The following SUMF1 variants were observed in gnomAD, a reference collection of about 807,000 sequenced individuals.
The protein encoded by SUMF1 is sulfatase modifying factor 1, also known as formylglycine-generating enzyme.
Under a neutral mutation model 47.6 loss-of-function variants are expected in SUMF1, and 48 were observed. That is an observed-to-expected ratio of 1.01 (90% CI 0.80 to 1.28). SUMF1 has a LOEUF of 1.28. SUMF1 is among the 50% of genes most tolerant of loss of function. The pLI, the probability that SUMF1 is intolerant of heterozygous loss-of-function variation, is 0.00. For missense variants in SUMF1, 571 were observed against 485.4 expected (o/e 1.18, Z -1.66); for synonymous variants, 230 against 192.1 (o/e 1.20, Z -1.63).
At chr3:4,445,641 G>A (rs973564338) in intron 3 of SUMF1, among the ~76,000 whole-genome samples, 1 of 152,050 alleles carries the variant, frequency 6.6e-6, no homozygotes, top group Non-Finnish European at 1.5e-5. Flanking sequence ...CACCATGCCT[G>A]GCCATAAAAT....
intron 8 of SUMF1, among the ~76,000 whole-genome samples, chr3:4,194,872 C>A (rs901665934): frequency 6.6e-6 from 1 of 152,042 alleles, no homozygotes; most frequent in African/African-American, 2.4e-5. Flanking sequence ...GATAAGCTAG[C>A]GGTAAAATAT....
chr3:4,205,539 C>A (rs1695632627), intron 8 of SUMF1, among the ~76,000 whole-genome samples: 1 of 152,152 alleles, frequency 6.6e-6, no homozygotes, highest in South Asian at 2.1e-4. Context: ...ACACTCTGGG[C>A]TTGTTTGTAC....
chr3:4,303,026 G>A (rs569681633), intron 8 of SUMF1, among the ~76,000 whole-genome samples: 2 of 152,212 alleles, frequency 1.3e-5, no homozygotes, highest in East Asian at 3.9e-4. Context: ...GGTTTAGAAC[G>A]CACCCCTGCC....
chr3:4,448,573 C>G (rs1702863884), intron 3 of SUMF1, among the ~76,000 whole-genome samples: 1 of 152,174 alleles, frequency 6.6e-6, no homozygotes, highest in South Asian at 2.1e-4. Flanking sequence ...CTTATATTTT[C>G]AAGAGACATG....
intron 8 of SUMF1, among the ~76,000 whole-genome samples, chr3:4,227,438 G>A (rs1696198466): frequency 6.6e-6 from 1 of 152,092 alleles, no homozygotes. Flanking sequence ...AAAACCACAA[G>A]GGAAACTGTA....
At chr3:4,333,743 G>T (rs1446126975) in intron 8 of SUMF1, among the ~76,000 whole-genome samples, 1 of 152,166 alleles carries the variant, frequency 6.6e-6, no homozygotes, top group African/African-American at 2.4e-5. Context: ...AAAGAAGAAG[G>T]AGGAATAGTG....
chr3:4,365,946 T>G (rs1286687160), intron 8 of SUMF1, among the ~76,000 whole-genome samples: 1 of 152,140 alleles, frequency 6.6e-6, no homozygotes, highest in Non-Finnish European at 1.5e-5. Flanking sequence ...TGCTTGTCTG[T>G]AAAGTATCTT....
At chr3:4,125,540 T>G (rs150588201) in intron 8 of SUMF1, among the ~76,000 whole-genome samples, 1 of 152,306 alleles carries the variant, frequency 6.6e-6, no homozygotes, top group East Asian at 1.9e-4. Flanking sequence ...TTTCTCCTTC[T>G]TATTTATGAG....
At chr3:4,137,726 G>A (rs949753821) in intron 8 of SUMF1, among the ~76,000 whole-genome samples, 1 of 152,042 alleles carries the variant, frequency 6.6e-6, no homozygotes, top group Non-Finnish European at 1.5e-5. Flanking sequence ...AAAGACTGAA[G>A]CTTTTCCTTT....
chr3:4,293,660 T>C (rs1054717831), intron 8 of SUMF1, among the ~76,000 whole-genome samples: 4 of 152,152 alleles, frequency 2.6e-5, no homozygotes, highest in Admixed American at 6.5e-5. Flanking sequence ...TTCAGTAGCC[T>C]AATAGACTGT....
chr3:4,061,285 T>C lies in SUMF1; in HGVS notation c.1191+7284A>G, dbSNP rs536556839. The stretch of plus-strand genomic sequence containing the variant: ...GTTAGAATTGTCTTATTTGAGTTTC[T>C]TTCTCAGAAAACCAACCATCAGGAC... On this transcript the variant is annotated intron_variant and NMD_transcript_variant, in intron 9 of 12. Coordinates refer to the SUMF1 transcript ENST00000448413. Among the ~76,000 whole-genome samples the C allele has an allele frequency of 2.6e-5, 4 of 152,210 alleles. No individual in the cohort carries two copies. In the South Asian group the frequency reaches 8.3e-4, roughly 32 times the overall value.
intron 8 of SUMF1, among the ~76,000 whole-genome samples, chr3:4,337,193 C>A (rs1699170524): frequency 7.9e-6 from 1 of 126,418 alleles, no homozygotes; most frequent in Non-Finnish European, 1.6e-5. Context: ...GTCCCTCCCT[C>A]CCTCCCTCCC....
chr3:4,143,228 T>C (rs966605603), intron 8 of SUMF1, among the ~76,000 whole-genome samples: 7 of 151,980 alleles, frequency 4.6e-5, no homozygotes, highest in Non-Finnish European at 8.8e-5. Flanking sequence ...AAACAGAAAA[T>C]GCCCATTAAA....
chr3:4,078,203 A>G (rs995175881), intron 8 of SUMF1, among the ~76,000 whole-genome samples: 3 of 152,096 alleles, frequency 2.0e-5, no homozygotes, highest in African/African-American at 4.8e-5. Context: ...CAGGCATACA[A>G]GCTGAATCTA....
intron 8 of SUMF1, among the ~76,000 whole-genome samples, chr3:4,120,362 C>A (rs546008046): frequency 6.6e-6 from 1 of 152,212 alleles, no homozygotes; most frequent in South Asian, 2.1e-4. Context: ...CTTGTTAGAT[C>A]TCACAATCTA....
At chr3:4,112,503 G>C (rs573907577) in intron 8 of SUMF1, among the ~76,000 whole-genome samples, 2 of 152,222 alleles carry the variant, frequency 1.3e-5, no homozygotes, top group South Asian at 2.1e-4. Context: ...GCATCTTCTA[G>C]TATCTCTTTT....
At chr3:4,335,458 G>C (rs1452024999) in intron 8 of SUMF1, among the ~76,000 whole-genome samples, 2 of 152,160 alleles carry the variant, frequency 1.3e-5, no homozygotes, top group East Asian at 3.8e-4. Context: ...TGGGGTCTAA[G>C]CTAAAGGCTA....
At chr3:4,252,361 CACACACACACACACACA>C in intron 8 of SUMF1, among the ~76,000 whole-genome samples, 1 of 130,540 alleles carries the variant, frequency 7.7e-6, no homozygotes, top group Non-Finnish European at 1.7e-5. Context: ...CGCACACACA[CACACACACACACACACA>C]CCCCACTGGC....
At chr3:4,221,436 T>C (rs1696062069) in intron 8 of SUMF1, among the ~76,000 whole-genome samples, 1 of 151,786 alleles carries the variant, frequency 6.6e-6, no homozygotes, top group African/African-American at 2.4e-5. Context: ...TGTGTGTGTG[T>C]GTGTGTGTGT....
Sources: gnomAD v4.1 joint callset for allele counts (sites outside exome capture counted in the v4.1 genomes callset) on GRCh38, gnomAD v4.1.1 for gene constraint, MANE v1.5 for transcripts, NCBI Gene and HGNC (gene_info 2026-07-23, HGNC 2026-07-21) for gene names.